The following FBXO11 variants were observed in gnomAD, a reference collection of about 807,000 sequenced individuals.
FBXO11 encodes F-box protein 11.
In FBXO11, 13 loss-of-function variants were observed where a neutral mutation model predicts 117.0. The observed-to-expected ratio is 0.11, with a 90% CI of 0.07 to 0.18. FBXO11 has a LOEUF of 0.18. Among genes scored for constraint, FBXO11 ranks in the 10% least tolerant of loss-of-function variants. FBXO11 has a pLI of 1.00. For synonymous variants in FBXO11, 490 were observed against 380.5 expected (o/e 1.29, Z -3.35); for missense variants, 767 against 1,164.4 (o/e 0.66, Z 4.97).
At chr2:47,832,740 T>G in intron 9 of FBXO11, 29 bp downstream of exon 9, 2 of 1,608,244 alleles carry the variant, frequency 1.2e-6, no homozygotes, top group African/African-American at 2.7e-5. Flanking sequence ...ACTCAAAATT[T>G]TATTGTAAAA....
In FBXO11 at chr2:47,905,563, T is replaced by TGCTGCTGCTGCG; in HGVS notation, c.146_157dup (p.Pro49_Gln52dup). ...TGGCGGCGGCGGAGGCTGCTGCTGCTGCTGCTGCTGCGGCGGCGGCGGAGG... is the reference window on the plus strand; with the variant it reads ...TGGCGGCGGCGGAGGCTGCTGCTGCTGCTGCTGCTGCGGCTGCTGCTGCGGCGGCGGCGGAGG... On this transcript the variant is annotated inframe_insertion, in exon 1 of 23. Transcript: ENST00000403359. The TGCTGCTGCTGCG allele has an allele frequency of 8.0e-7, 1 of 1,250,212 alleles. No individual in the cohort carries two copies. Among genetic ancestry groups the TGCTGCTGCTGCG allele is most frequent in the Non-Finnish European group, 1.0e-6 (1 of 1,000,102 alleles). The allele number at this position is 1,250,212 out of a possible 1,614,324, so 77.4% of individuals were successfully genotyped here.
intron 11 of FBXO11, among the ~76,000 whole-genome samples, chr2:47,825,877 G>T (rs935503778): frequency 6.6e-6 from 1 of 151,380 alleles, no homozygotes; most frequent in Admixed American, 6.6e-5. Flanking sequence ...ATGCCGGGCC[G>T]ACAAATCTGA....
chr2:47,817,492 T>G (rs1023315655), intron 16 of FBXO11, among the ~76,000 whole-genome samples: 2 of 152,258 alleles, frequency 1.3e-5, no homozygotes, highest in African/African-American at 4.8e-5. Context: ...TTAATTTCTT[T>G]CTAGGACTTT....
intron 1 of FBXO11, among the ~76,000 whole-genome samples, chr2:47,902,149 T>C (rs909011607): frequency 3.9e-5 from 6 of 152,086 alleles, no homozygotes; most frequent in Non-Finnish European, 5.9e-5. Context: ...TTGGCCAGGC[T>C]GGTCTTGAAC....
chr2:47,816,287 C>T (rs1671001022), intron 16 of FBXO11, among the ~76,000 whole-genome samples: 1 of 152,168 alleles, frequency 6.6e-6, no homozygotes, highest in African/African-American at 2.4e-5. Flanking sequence ...TCAAGCGATC[C>T]TCCCACCTCA....
At chr2:47,890,463 G>T (rs1241367453) in intron 1 of FBXO11, among the ~76,000 whole-genome samples, 4 of 151,874 alleles carry the variant, frequency 2.6e-5, no homozygotes, top group Non-Finnish European at 5.9e-5. Context: ...CCCTACATGG[G>T]GACTGTATCA....
intron 1 of FBXO11, among the ~76,000 whole-genome samples, chr2:47,844,721 G>A (rs1219514891): frequency 3.3e-5 from 5 of 152,106 alleles, no homozygotes; most frequent in African/African-American, 4.8e-5. Flanking sequence ...GTGGGATCTC[G>A]ACTCACTGCA....
intron 1 of FBXO11, among the ~76,000 whole-genome samples, chr2:47,880,053 T>C (rs1676324584): frequency 6.6e-6 from 1 of 151,984 alleles, no homozygotes; most frequent in South Asian, 2.1e-4. Flanking sequence ...TGGAGTGTAG[T>C]GGTGCAATCT....
At chr2:47,866,381 C>G (rs979707350) in intron 1 of FBXO11, among the ~76,000 whole-genome samples, 4 of 151,796 alleles carry the variant, frequency 2.6e-5, no homozygotes, top group African/African-American at 9.7e-5. Flanking sequence ...AATGAGGGTG[C>G]TGTGTTACAG....
chr2:47,881,864 C>T (rs1461863760), intron 1 of FBXO11, among the ~76,000 whole-genome samples: 6 of 152,152 alleles, frequency 3.9e-5, no homozygotes, highest in Non-Finnish European at 7.4e-5. Flanking sequence ...TCTCGTGCCT[C>T]AGCCTCCCAA....
At chr2:47,810,274 A>G in intron 19 of FBXO11, 42 bp downstream of exon 19, 1 of 1,311,082 alleles carries the variant, frequency 7.6e-7, no homozygotes, top group Non-Finnish European at 1.1e-6. Flanking sequence ...AACACTTTGC[A>G]GAACTATATA....
intron 20 of FBXO11, 73 bp downstream of exon 20, chr2:47,809,527 G>A (rs1483077364): frequency 1.8e-6 from 2 of 1,105,530 alleles, no homozygotes; most frequent in Non-Finnish European, 2.7e-6. Context: ...AAGGAATCAA[G>A]TTATAAAACG....
intron 11 of FBXO11, among the ~76,000 whole-genome samples, chr2:47,825,226 TAAA>T (rs1477076263): frequency 6.6e-6 from 1 of 152,180 alleles, no homozygotes. Flanking sequence ...CATTTTCTAA[TAAA>T]GAACAAATTA....
rs142359819 is a variant in FBXO11, at chr2:47,855,476, G to A, written c.233-15707C>T. Among the ~76,000 whole-genome samples, 380 of 152,198 alleles carry A rather than the reference G, an allele frequency of 2.5e-3. 1 individual carries two copies. Among genetic ancestry groups the A allele is most frequent in the African/African-American group, 8.7e-3 (363 of 41,524 alleles). The stretch of plus-strand genomic sequence containing the variant: ...AAAAGATATAAACCCCTACAACAAA[G>A]AAAACAGGATGGACACCATCAGTGT... On this transcript the variant is annotated intron_variant, in intron 1 of 22. Coordinates refer to ENST00000403359, the MANE Select transcript of FBXO11 (RefSeq NM_001190274.2).
intron 16 of FBXO11, chr2:47,818,568 C>A: frequency 1.3e-5 from 6 of 472,886 alleles, no homozygotes; most frequent in Non-Finnish European, 1.9e-5. Context: ...TGGAAGTGAG[C>A]TCTTATGGCA....
intron 1 of FBXO11, among the ~76,000 whole-genome samples, chr2:47,896,992 T>C (rs1677715954): frequency 6.6e-6 from 1 of 152,226 alleles, no homozygotes; most frequent in African/African-American, 2.4e-5. Flanking sequence ...TTAAATTTTA[T>C]TCACTTCTAA....
intron 1 of FBXO11, among the ~76,000 whole-genome samples, chr2:47,847,486 A>C (rs1037426339): frequency 6.6e-6 from 1 of 151,862 alleles, no homozygotes; most frequent in Non-Finnish European, 1.5e-5. Context: ...AGACGGGAGG[A>C]TCATTTGAGG....
rs544553865 is a variant in FBXO11, at chr2:47,859,414, A to AT, written c.233-19646dup. The stretch of plus-strand genomic sequence containing the variant: ...AATTCAATTTCAGATGTCTTGGAGG[A>AT]TTTTTTAAAAAAAGATTAAACTAAT... On this transcript the variant is annotated intron_variant, in intron 1 of 22. Transcript: ENST00000403359. Among the ~76,000 whole-genome samples the AT allele has an allele frequency of 2.1e-3, 314 of 152,304 alleles. 1 individual carries two copies. Among genetic ancestry groups the AT allele is most frequent in the Middle Eastern group, 6.8e-3 (2 of 294 alleles).
intron 1 of FBXO11, among the ~76,000 whole-genome samples, chr2:47,874,654 C>T (rs1177759146): frequency 6.6e-6 from 1 of 152,132 alleles, no homozygotes; most frequent in Non-Finnish European, 1.5e-5. Context: ...TGTGCCTCAG[C>T]CTCCTGAGTA....
Sources: allele counts gnomAD v4.1 joint callset (sites outside exome capture counted in the v4.1 genomes callset), GRCh38; gene constraint gnomAD v4.1.1; transcripts MANE v1.5; gene names NCBI Gene and HGNC (gene_info 2026-07-23, HGNC 2026-07-21).